SULF1: variants seen among roughly 807,000 people sequenced by gnomAD.
SULF1 encodes the protein sulfatase 1.
In SULF1, 46 loss-of-function variants were observed where a neutral mutation model predicts 110.5. The observed-to-expected ratio is 0.42, with a 90% CI of 0.33 to 0.53. The LOEUF is 0.53. SULF1 is among the 20% of genes least tolerant of loss of function. SULF1 has a pLI of 0.12. For missense variants in SULF1, 941 were observed against 1,094.2 expected (o/e 0.86, Z 1.98); for synonymous variants, 371 against 387.1 (o/e 0.96, Z 0.49).
chr8:69,572,101 G>A (rs1805273248), intron 5 of SULF1, among the ~76,000 whole-genome samples: 1 of 152,198 alleles, frequency 6.6e-6, no homozygotes, highest in Admixed American at 6.5e-5. Flanking sequence ...GTTAATGTCA[G>A]TCAGTATCTC....
intron 3 of SULF1, among the ~76,000 whole-genome samples, chr8:69,551,012 A>G (rs927484180): frequency 1.3e-5 from 2 of 152,182 alleles, no homozygotes; most frequent in Non-Finnish European, 2.9e-5. Context: ...TTTTTGGATC[A>G]TATTGTTTAA....
intron 22 of SULF1, among the ~76,000 whole-genome samples, chr8:69,655,210 A>G (rs1280575341): frequency 6.6e-6 from 1 of 152,172 alleles, no homozygotes; most frequent in Non-Finnish European, 1.5e-5. Flanking sequence ...TCTGCCCCAT[A>G]GCCATCTGCA....
chr8:69,570,669 C>T (rs1805167419), intron 5 of SULF1, among the ~76,000 whole-genome samples: 1 of 152,220 alleles, frequency 6.6e-6, no homozygotes, highest in Admixed American at 6.5e-5. Flanking sequence ...ATCCAAAGCA[C>T]TATTCCTGGA....
chr8:69,551,862 C>T (rs1276935483), intron 3 of SULF1, among the ~76,000 whole-genome samples: 1 of 152,104 alleles, frequency 6.6e-6, no homozygotes, highest in Non-Finnish European at 1.5e-5. Context: ...GAGGCCAAGG[C>T]GGGTGGATCA....
At chr8:69,649,911 T>C (rs547095697) in intron 22 of SULF1, among the ~76,000 whole-genome samples, 4 of 151,050 alleles carry the variant, frequency 2.6e-5, no homozygotes, top group Non-Finnish European at 5.9e-5. Context: ...CCTGAATCAT[T>C]TGTTGTTACC....
chr8:69,632,830 G>C (rs1783871739), intron 19 of SULF1, among the ~76,000 whole-genome samples: 1 of 152,084 alleles, frequency 6.6e-6, no homozygotes, highest in Non-Finnish European at 1.5e-5. Context: ...TTCAAGACCA[G>C]CCTGAGCAAC....
chr8:69,603,343 A>G (rs1414181687), intron 11 of SULF1, 23 bp downstream of exon 11: 13 of 1,613,624 alleles, frequency 8.1e-6, no homozygotes, highest in Non-Finnish European at 1.1e-5. Context: ...TCCTCCTCTC[A>G]GCCAGCCCCA....
At chr8:69,613,305 T>G (rs1183454083) in intron 13 of SULF1, among the ~76,000 whole-genome samples, 2 of 151,116 alleles carry the variant, frequency 1.3e-5, no homozygotes, top group African/African-American at 4.9e-5. Flanking sequence ...AGATTTGGTT[T>G]TTTTTTTTTT....
chr8:69,506,746 A>G lies in SULF1; in HGVS notation c.-134+4778A>G, dbSNP rs539002542. Among the ~76,000 whole-genome samples the G allele has an allele frequency of 1.1e-4, 17 of 152,360 alleles. No individual in the cohort carries two copies. In the East Asian group the frequency reaches 1.2e-3, roughly 10 times the overall value. ...TCTTGCCATAATGATACATTCAGGC[A>G]GGAAGTTAAGAGAAAAATAGCTCTT... On this transcript the variant is annotated intron_variant, in intron 3 of 22. Transcript: ENST00000402687.
At chr8:69,482,091 G>T (rs377747707) in intron 1 of SULF1, among the ~76,000 whole-genome samples, 2 of 152,266 alleles carry the variant, frequency 1.3e-5, no homozygotes, top group African/African-American at 4.8e-5. Context: ...ATAGCAAACT[G>T]TTGAAATGAG....
chr8:69,510,620 GTT>G (rs11333922), intron 3 of SULF1, among the ~76,000 whole-genome samples: 209 of 131,062 alleles, frequency 1.6e-3, no homozygotes, highest in African/African-American at 4.2e-3. Context: ...GTTTTTTTTT[GTT>G]TTTTTTTTTT....
At chr8:69,648,152 AAC>A (rs1491364005) in intron 22 of SULF1, among the ~76,000 whole-genome samples, 1 of 148,208 alleles carries the variant, frequency 6.7e-6, no homozygotes, top group African/African-American at 2.6e-5. Flanking sequence ...AAAAAAAAAA[AAC>A]AAAGAGCTCA....
In SULF1 at chr8:69,600,678, C is replaced by T; in HGVS notation, c.810C>T (p.Ile270=). 6.2e-7 allele frequency: 1 copy of T among 1,614,102 alleles called. No homozygotes were observed. Among genetic ancestry groups the T allele is most frequent in the Non-Finnish European group, 8.5e-7 (1 of 1,179,964 alleles). ...AGTACACAGGACCAATGCTGCCCAT[C>T]CACATGGAATTTACAAACATTCTAC... ...IMQYTGPMLP[I]HMEFTNILQR... Residue 270 remains isoleucine (I), a synonymous_variant, in exon 9 of 23, where the codon ATC becomes ATT. Transcript: ENST00000402687.
Position 69,576,145 on chromosome 8 carries a change from G to A in SULF1, c.348G>A (p.Ser116=), listed in dbSNP as rs370291955. 23 of 1,613,984 alleles carry A rather than the reference G, an allele frequency of 1.4e-5. No individual in the cohort carries two copies. Among genetic ancestry groups the A allele is most frequent in the East Asian group, 4.5e-5 (2 of 44,878 alleles). The change falls in exon 6 of 23, where the codon TCG becomes TCA. Residue 116 remains serine, a synonymous_variant. Coordinates refer to ENST00000402687, the MANE Select transcript of SULF1 (RefSeq NM_001128205.2). The stretch of plus-strand genomic sequence containing the variant: ...ACAACGAGAACTGCTCTTCCCCCTC[G>A]TGGCAGGCCATGCATGAGCCTCGGA... ...YTNNENCSSP[S]WQAMHEPRTF... is the part of the protein sequence containing the mutation.
intron 5 of SULF1, among the ~76,000 whole-genome samples, chr8:69,570,398 A>T (rs181524393): frequency 6.6e-4 from 101 of 152,342 alleles, no homozygotes; most frequent in Admixed American, 3.5e-3. Context: ...GTATACTCAA[A>T]TGCTAAGATA....
chr8:69,571,000 C>T (rs1336696933), intron 5 of SULF1, among the ~76,000 whole-genome samples: 1 of 152,214 alleles, frequency 6.6e-6, no homozygotes, highest in Non-Finnish European at 1.5e-5. Context: ...GTCTGGCTCC[C>T]ACTTCATGGG....
At chr8:69,658,138 C>T (rs1191875665) in intron 22 of SULF1, among the ~76,000 whole-genome samples, 1 of 152,208 alleles carries the variant, frequency 6.6e-6, no homozygotes, top group Non-Finnish European at 1.5e-5. Context: ...ACTATTTCTA[C>T]ACTTGACAGA....
At chr8:69,566,455 A>G (rs909094032) in intron 5 of SULF1, among the ~76,000 whole-genome samples, 1 of 152,166 alleles carries the variant, frequency 6.6e-6, no homozygotes, top group African/African-American at 2.4e-5. Context: ...GCATGTGACT[A>G]TCATGGTGAA....
chr8:69,546,605 G>A (rs1335307738), intron 3 of SULF1, among the ~76,000 whole-genome samples: 1 of 152,144 alleles, frequency 6.6e-6, no homozygotes, highest in Admixed American at 6.5e-5. Context: ...ATCTGTTTTT[G>A]TAAAAAGACT....
Sources: allele counts gnomAD v4.1 joint callset (sites outside exome capture counted in the v4.1 genomes callset), GRCh38; gene constraint gnomAD v4.1.1; transcripts MANE v1.5; gene names NCBI Gene and HGNC (gene_info 2026-07-23, HGNC 2026-07-21).